Variants in HDAC9 observed in about 807,000 individuals in gnomAD.
The protein encoded by HDAC9 is MEF-2 interacting transcription repressor (MITR) protein.
HDAC9 carries 41 observed loss-of-function variants against 139.4 expected under a neutral mutation model. The ratio of observed to expected loss-of-function variants is 0.29; its 90% CI spans 0.23 to 0.38. The LOEUF (loss-of-function observed/expected upper bound fraction) is 0.38, where lower values mean the gene tolerates loss of function less well. HDAC9 is among the 10% of genes least tolerant of loss of function. The pLI, the probability that HDAC9 is intolerant of heterozygous loss-of-function variation, is 1.00. For missense variants in HDAC9, 1,147 were observed against 1,297.0 expected (o/e 0.88, Z 1.78); for synonymous variants, 517 against 476.2 (o/e 1.09, Z -1.12).
chr7:18,095,889 T>C (rs1242353680), intron 1 of HDAC9, among the ~76,000 whole-genome samples: 1 of 152,222 alleles, frequency 6.6e-6, no homozygotes, highest in East Asian at 1.9e-4. Context: ...TTCTTTAATC[T>C]ATTTCTATGT....
intron 1 of HDAC9, among the ~76,000 whole-genome samples, chr7:18,445,916 C>T (rs1012300732): frequency 6.6e-6 from 1 of 152,180 alleles, no homozygotes; most frequent in Non-Finnish European, 1.5e-5. Context: ...AACCGGTTTA[C>T]AAGTCAAACA....
intron 22 of HDAC9, among the ~76,000 whole-genome samples, chr7:18,914,533 G>T (rs1019838890): frequency 6.6e-6 from 1 of 151,874 alleles, no homozygotes; most frequent in African/African-American, 2.4e-5. Flanking sequence ...TAATGCCTTT[G>T]TTTCTAATAT....
Position 19,000,355 on chromosome 7 carries a change from T to A in HDAC9, c.*4293T>A, listed in dbSNP as rs747383249. ...TTTCTGGGCATATTTGCATCAAAAA[T>A]CACAGTCCTTGCCTCCTTGCTTGCT... is the stretch of plus-strand genomic sequence containing the variant. On this transcript the variant is annotated 3_prime_UTR_variant, in exon 26 of 26. Transcript: ENST00000686413. 6 of 152,214 alleles carry A rather than the reference T, an allele frequency of 3.9e-5. No individual in the cohort carries two copies. Among genetic ancestry groups the A allele is most frequent in the Non-Finnish European group, 8.8e-5 (6 of 68,032 alleles). The allele number at this position is 152,214 out of a possible 1,614,324, so 9.4% of individuals were successfully genotyped here.
intron 2 of HDAC9, among the ~76,000 whole-genome samples, chr7:18,246,994 C>G (rs542640554): frequency 6.6e-6 from 1 of 152,158 alleles, no homozygotes; most frequent in East Asian, 1.9e-4. Context: ...TCCAGTTGTT[C>G]TAACGTGAGC....
At chr7:18,443,697 T>A (rs1401767513) in intron 1 of HDAC9, among the ~76,000 whole-genome samples, 1 of 152,042 alleles carries the variant, frequency 6.6e-6, no homozygotes, top group Non-Finnish European at 1.5e-5. Context: ...CCTTCATTTG[T>A]AAAATAGAAT....
At chr7:18,523,856 G>A (rs539044503) in intron 2 of HDAC9, among the ~76,000 whole-genome samples, 43 of 152,188 alleles carry the variant, frequency 2.8e-4, no homozygotes, top group African/African-American at 7.9e-4. Flanking sequence ...TTACACAAGA[G>A]ACAGATGAGG....
At chr7:18,468,215 A>G (rs1794451141) in intron 1 of HDAC9, among the ~76,000 whole-genome samples, 1 of 152,296 alleles carries the variant, frequency 6.6e-6, no homozygotes, top group Middle Eastern at 3.4e-3. Context: ...CTCATAAACA[A>G]GGGGGTGAAA....
chr7:18,335,836 T>C (rs142424283), intron 1 of HDAC9, among the ~76,000 whole-genome samples: 7 of 151,596 alleles, frequency 4.6e-5, no homozygotes, highest in African/African-American at 1.2e-4. Flanking sequence ...GCTGATGCAA[T>C]GGTGGGGAAG....
chr7:18,527,465 GA>G (rs1480326113), intron 2 of HDAC9, among the ~76,000 whole-genome samples: 4 of 152,074 alleles, frequency 2.6e-5, no homozygotes, highest in Non-Finnish European at 1.5e-5. Context: ...AATTAGATTT[GA>G]AAGTCACTGA....
intron 21 of HDAC9, among the ~76,000 whole-genome samples, chr7:18,849,211 G>A (rs1169790108): frequency 1.3e-5 from 2 of 152,124 alleles, no homozygotes; most frequent in African/African-American, 4.8e-5. Context: ...ATAATATTGT[G>A]TTATCACATA....
At chr7:18,876,545 T>A (rs13221164) in intron 22 of HDAC9, among the ~76,000 whole-genome samples, 1 of 152,150 alleles carries the variant, frequency 6.6e-6, no homozygotes, top group Non-Finnish European at 1.5e-5. Flanking sequence ...TCTTCACATA[T>A]CTTATAGATG....
chr7:18,139,149 A>G (rs1785694627), intron 1 of HDAC9, among the ~76,000 whole-genome samples: 1 of 132,902 alleles, frequency 7.5e-6, no homozygotes, highest in Admixed American at 8.1e-5. Context: ...TTTTTGAGAC[A>G]GGCTCTTGCT....
intron 24 of HDAC9, among the ~76,000 whole-genome samples, chr7:18,956,150 A>G (rs914045004): frequency 1.3e-5 from 2 of 152,012 alleles, no homozygotes; most frequent in African/African-American, 4.8e-5. Flanking sequence ...AGGATTGTCA[A>G]TTCCACTCTT....
chr7:18,363,226 A>T (rs17347278), intron 1 of HDAC9, among the ~76,000 whole-genome samples: 1 of 152,104 alleles, frequency 6.6e-6, no homozygotes, highest in Non-Finnish European at 1.5e-5. Context: ...TAGATTTTCC[A>T]TATAATTTCC....
In HDAC9 at chr7:18,210,982, C is replaced by T. The variant is rs147733280; in HGVS notation, c.25+48633C>T. The stretch of plus-strand genomic sequence containing the variant: ...TACAGGACGGCCTTTCCTTTGGAGT[C>T]ATGATGGTAAATATGACCACAGTTA... On this transcript the variant is annotated intron_variant, in intron 2 of 12. Transcript: ENST00000417496. Among the ~76,000 whole-genome samples the T allele has an allele frequency of 8.1e-3, 1,226 of 152,162 alleles. 11 individuals carry two copies. Among genetic ancestry groups the T allele is most frequent in the African/African-American group, 0.028 (1,171 of 41,506 alleles).
intron 17 of HDAC9, among the ~76,000 whole-genome samples, chr7:18,815,408 A>G (rs1794490933): frequency 6.6e-6 from 1 of 152,234 alleles, no homozygotes; most frequent in African/African-American, 2.4e-5. Flanking sequence ...CCTTACCAAG[A>G]CCACATCCTG....
intron 2 of HDAC9, among the ~76,000 whole-genome samples, chr7:18,540,857 A>T (rs1812576535): frequency 6.6e-6 from 1 of 152,236 alleles, no homozygotes; most frequent in Non-Finnish European, 1.5e-5. Flanking sequence ...TAAGTAAAAC[A>T]CTATTGTAAG....
At chr7:18,095,586 C>T (rs1467328498) in intron 1 of HDAC9, among the ~76,000 whole-genome samples, 1 of 152,126 alleles carries the variant, frequency 6.6e-6, no homozygotes, top group Non-Finnish European at 1.5e-5. Context: ...TAAAACACCA[C>T]AGGAAGAATG....
At chr7:18,437,396 T>C (rs1218639545) in intron 1 of HDAC9, among the ~76,000 whole-genome samples, 2 of 152,108 alleles carry the variant, frequency 1.3e-5, no homozygotes, top group African/African-American at 4.8e-5. Flanking sequence ...GGACAACTCA[T>C]TTCAAGCCTT....
Sources: gnomAD v4.1 joint callset for allele counts (sites outside exome capture counted in the v4.1 genomes callset) on GRCh38, gnomAD v4.1.1 for gene constraint, MANE v1.5 for transcripts, NCBI Gene and HGNC (gene_info 2026-07-23, HGNC 2026-07-21) for gene names.